Variants in LAPTM5 observed in about 807,000 individuals in gnomAD.
The protein encoded by LAPTM5 is lysosomal-associated transmembrane protein 5.
A neutral mutation model predicts 30.1 loss-of-function variants in LAPTM5; 11 were observed. The observed-to-expected ratio is 0.37, with a 90% confidence interval of 0.23 to 0.60. The LOEUF (loss-of-function observed/expected upper bound fraction) is 0.60, where lower values mean the gene tolerates loss of function less well. Ranked by LOEUF, LAPTM5 falls within the 20% of genes least tolerant of loss-of-function variation. The pLI is 0.71. For missense variants in LAPTM5, 324 were observed against 332.5 expected (o/e 0.97, Z 0.20); for synonymous variants, 151 against 137.9 (o/e 1.10, Z -0.67).
At chr1:30,749,639 G>A (rs1047031519) in intron 1 of LAPTM5, among the ~76,000 whole-genome samples, 4 of 152,178 alleles carry the variant, frequency 2.6e-5, no homozygotes, top group Admixed American at 6.5e-5. Flanking sequence ...ACAGGGCTCT[G>A]GGTCAACACC....
At chr1:30,756,487 C>A (rs1484578863) in intron 1 of LAPTM5, among the ~76,000 whole-genome samples, 2 of 152,168 alleles carry the variant, frequency 1.3e-5, no homozygotes, top group Non-Finnish European at 2.9e-5. Flanking sequence ...TAATTCACAT[C>A]CCCATTTTTT....
intron 1 of LAPTM5, among the ~76,000 whole-genome samples, chr1:30,751,664 G>A (rs975346408): frequency 2.6e-5 from 4 of 152,154 alleles, no homozygotes; most frequent in African/African-American, 9.7e-5. Flanking sequence ...ACTTGAACCC[G>A]GGAGGCAGAG....
intron 6 of LAPTM5, among the ~76,000 whole-genome samples, chr1:30,735,650 G>A (rs777771599): frequency 7.2e-5 from 11 of 152,196 alleles, no homozygotes; most frequent in Non-Finnish European, 1.3e-4. Context: ...AATTGCTTCC[G>A]ATATGTTGTT....
At chr1:30,750,450 G>C (rs550526676) in intron 1 of LAPTM5, among the ~76,000 whole-genome samples, 87 of 152,284 alleles carry the variant, frequency 5.7e-4, no homozygotes, top group African/African-American at 2.0e-3. Context: ...TGCAATCCAC[G>C]ATGTGGAACC....
chr1:30,740,220 A>C (rs1383311384), intron 3 of LAPTM5, among the ~76,000 whole-genome samples: 2 of 152,236 alleles, frequency 1.3e-5, no homozygotes, highest in African/African-American at 4.8e-5. Context: ...ACAAGAACCC[A>C]GCAAGGAAGG....
Position 30,739,791 on chromosome 1 carries a change from T to C in LAPTM5, c.387+18A>G, listed in dbSNP as rs376231516. 6.3e-7 allele frequency: 1 copy of C among 1,579,618 alleles called. No homozygotes were observed. Among genetic ancestry groups the C allele is most frequent in the Non-Finnish European group, 8.6e-7 (1 of 1,161,960 alleles). ...CTGGGCTCTGCTGTCCGGTGAGAGG[T>C]GGGGGCTGGGTACTCACAGCACGGC... On this transcript the variant is annotated intron_variant, in intron 4 of 7. Coordinates refer to ENST00000294507, the MANE Select transcript of LAPTM5 (RefSeq NM_006762.3). This position sits in a 1 kb window ranked among gnomAD's most constrained non-coding sequence, Gnocchi z 4.2.
rs1002589545 is a variant in LAPTM5 at position 30,739,365 on chromosome 1, C to A, written c.388-303G>T. 1.0e-5 allele frequency: 3 copies of A among 287,126 alleles called. No individual in the cohort carries two copies. The East Asian group carries it at 2.3e-4, about 22-fold the overall frequency. The allele number at this position is 287,126 out of a possible 1,614,324, so 17.8% of individuals were successfully genotyped here. ...GAAAAGCAGGTTTGGGAGACTGTGTCCTTGACTGGCAGCAGCCCTCAAGCC... is the reference window on the plus strand; with the variant it reads ...GAAAAGCAGGTTTGGGAGACTGTGTACTTGACTGGCAGCAGCCCTCAAGCC... On this transcript the variant is annotated intron_variant, in intron 4 of 7. Transcript: ENST00000294507. The surrounding 1 kb of genome is among the most constrained non-coding windows in gnomAD (Gnocchi z 4.2).
At chr1:30,755,727 G>T (rs1325099136) in intron 1 of LAPTM5, among the ~76,000 whole-genome samples, 1 of 152,214 alleles carries the variant, frequency 6.6e-6, no homozygotes, top group Non-Finnish European at 1.5e-5. Context: ...CACACAACCT[G>T]CAAATGGATT....
chr1:30,735,370 C>A, intron 6 of LAPTM5, 105 bp from the exon 7 acceptor site: 2 of 877,638 alleles, frequency 2.3e-6, no homozygotes, highest in Non-Finnish European at 3.8e-6. Context: ...CTCCAGAAGC[C>A]AGCATCCAGC....
chr1:30,746,149 G>T lies in LAPTM5; in HGVS notation c.88-3600C>A, dbSNP rs1402601235. On this transcript the variant is annotated intron_variant, in intron 1 of 7. Coordinates refer to ENST00000294507, the MANE Select transcript of LAPTM5 (RefSeq NM_006762.3). This position sits in a 1 kb window ranked among gnomAD's most constrained non-coding sequence, Gnocchi z 4.0. ...CCTCACTGCTGTGTGGCCCTGGCCA[G>T]GTTCTGGCTTCTCCCTGGCCTCAGC... is the stretch of plus-strand genomic sequence containing the variant. The T allele has an allele frequency of 6.6e-6, 1 of 152,306 alleles. No homozygotes were observed. The highest frequency in any genetic ancestry group is 1.5e-5 in the Non-Finnish European group (1 of 68,106). The allele number at this position is 152,306 out of a possible 1,614,324, so 9.4% of individuals were successfully genotyped here.
chr1:30,744,603 T>A (rs1038006002), intron 1 of LAPTM5, among the ~76,000 whole-genome samples: 5 of 152,292 alleles, frequency 3.3e-5, no homozygotes, highest in Middle Eastern at 3.4e-3. Context: ...AACCTCCCCT[T>A]GCTAGAAGGA....
chr1:30,740,064 G>C, intron 3 of LAPTM5, 127 bp from the exon 4 acceptor site: 1 of 1,071,144 alleles, frequency 9.3e-7, no homozygotes, highest in Non-Finnish European at 1.3e-6. Context: ...CTCAGTTGAG[G>C]TCACCTCCCT....
At chr1:30,757,611 C>T (rs375844937) in intron 1 of LAPTM5, 48 bp downstream of exon 1, 22 of 1,582,536 alleles carry the variant, frequency 1.4e-5, no homozygotes, top group Admixed American at 1.8e-5. Context: ...CAGACATTCA[C>T]ACTCACACAA....
chr1:30,739,195 A>T lies in LAPTM5; in HGVS notation c.388-133T>A, dbSNP rs1639932994. The stretch of plus-strand genomic sequence containing the variant: ...CATCAGTGACTCTCGTCCCCTGTGC[A>T]CAGAGAGACATGAACACACAGATGT... On this transcript the variant is annotated intron_variant, in intron 4 of 7. Transcript: ENST00000294507. This position sits in a 1 kb window ranked among gnomAD's most constrained non-coding sequence, Gnocchi z 4.2. 1 of 1,156,882 alleles carries T rather than the reference A, an allele frequency of 8.6e-7. No individual in the cohort carries two copies. The highest frequency in any genetic ancestry group is 2.4e-5 in the Admixed American group (1 of 41,684). The allele number at this position is 1,156,882 out of a possible 1,614,324, so 71.7% of individuals were successfully genotyped here.
chr1:30,749,477 A>G (rs1474339769), intron 1 of LAPTM5, among the ~76,000 whole-genome samples: 1 of 152,166 alleles, frequency 6.6e-6, no homozygotes, highest in Non-Finnish European at 1.5e-5. Context: ...CTATAGGTAA[A>G]TTATACATCA....
At chr1:30,751,912 C>T (rs1307414261) in intron 1 of LAPTM5, among the ~76,000 whole-genome samples, 2 of 152,164 alleles carry the variant, frequency 1.3e-5, no homozygotes, top group East Asian at 1.9e-4. Flanking sequence ...CAAAGGTGCC[C>T]GCCTGCTCAA....
intron 1 of LAPTM5, among the ~76,000 whole-genome samples, chr1:30,749,042 A>G (rs1391559744): frequency 6.6e-6 from 1 of 152,250 alleles, no homozygotes; most frequent in Non-Finnish European, 1.5e-5. Context: ...CCCAGCACGG[A>G]GCCTGGTGGC....
At chr1:30,742,158 T>C (rs555881228) in intron 2 of LAPTM5, 1 of 477,188 alleles carries the variant, frequency 2.1e-6, no homozygotes, top group African/African-American at 2.0e-5. Flanking sequence ...TCTAGTGTGA[T>C]GAGCAGCCAC....
intron 6 of LAPTM5, among the ~76,000 whole-genome samples, chr1:30,735,819 C>T (rs1300774427): frequency 6.6e-6 from 1 of 152,104 alleles, no homozygotes; most frequent in Non-Finnish European, 1.5e-5. Context: ...GCTCAAGAAA[C>T]AACAGAAAAC....
Sources: allele counts gnomAD v4.1 joint callset (sites outside exome capture counted in the v4.1 genomes callset), GRCh38; gene constraint gnomAD v4.1.1; non-coding constraint Gnocchi (gnomAD v3.1); transcripts MANE v1.5; gene names NCBI Gene and HGNC (gene_info 2026-07-23, HGNC 2026-07-21).